The following HGD variants were observed in gnomAD, a reference collection of about 807,000 sequenced individuals.
The protein encoded by HGD is homogentisate 1,2-dioxygenase.
HGD carries 61 observed loss-of-function variants against 60.8 expected under a neutral mutation model. The ratio of observed to expected loss-of-function variants is 1.00; its 90% CI spans 0.82 to 1.24. The LOEUF (loss-of-function observed/expected upper bound fraction) is 1.24. Among genes scored for constraint, HGD ranks in the 50% most tolerant of loss-of-function variants. The pLI is 0.00. For synonymous variants in HGD, 212 were observed against 187.7 expected (o/e 1.13, Z -1.06); for missense variants, 542 against 547.1 (o/e 0.99, Z 0.09).
chr3:120,680,088 T>C (rs1181128428), intron 1 of HGD, among the ~76,000 whole-genome samples: 1 of 152,184 alleles, frequency 6.6e-6, no homozygotes, highest in Non-Finnish European at 1.5e-5. Flanking sequence ...TTAAGCAAGT[T>C]CTTCGTTTTA....
chr3:120,646,273 G>C lies in HGD; in HGVS notation c.643C>G (p.Pro215Ala). The change falls in exon 9 of 14, where the codon CCA becomes GCA. Residue 215 changes from proline (P) to alanine (A), a missense_variant. Pro to Ala is a conservative substitution (Grantham distance 27). Transcript: ENST00000283871. ...GCTTGTAATGAAGATTTACCAATTG[G>C]TCCAAGGTCAGGTAACTCAAAGTGG... The part of the protein sequence containing the change: ...GVHFELPDLG[P>A]IGANGLANPR... 6.3e-7 allele frequency: 1 copy of C among 1,598,896 alleles called. No individual in the cohort carries two copies. Among genetic ancestry groups the C allele is most frequent in the Non-Finnish European group, 8.6e-7 (1 of 1,166,170 alleles).
At chr3:120,675,060 C>G (rs1708099539) in intron 2 of HGD, 71 bp from the exon 3 acceptor site, 1 of 1,003,442 alleles carries the variant, frequency 1.0e-6, no homozygotes, top group Non-Finnish European at 1.6e-6. Flanking sequence ...CCAACCAACT[C>G]AGTAGGGGGA....
chr3:120,656,052 C>G (rs61799866), intron 4 of HGD, among the ~76,000 whole-genome samples: 13,713 of 152,234 alleles, frequency 0.09, 696 homozygotes, highest in East Asian at 0.19. Context: ...TAAAAGAGAT[C>G]ATAAATGTGG....
Position 120,638,546 on chromosome 3 carries a change from A to G in HGD, c.915T>C (p.Ser305=), listed in dbSNP as rs144158342. The G allele has an allele frequency of 7.4e-6, 12 of 1,614,082 alleles. No homozygotes were observed. In the East Asian group the frequency reaches 2.5e-4, roughly 33 times the overall value. The change falls in exon 12 of 14, where the codon TCT becomes TCC. Residue 305 remains serine (S), a synonymous_variant. Coordinates refer to ENST00000283871, the MANE Select transcript of HGD (RefSeq NM_000187.4). The part of the protein sequence containing the change: ...PSIFTVLTAK[S]VRPGVAIADF... The stretch of plus-strand genomic sequence containing the variant: ...CAGCAATGGCCACTCCAGGGCGGAC[A>G]GACTTAGCAGTCAATACTGTGAAAA...
intron 11 of HGD, among the ~76,000 whole-genome samples, chr3:120,638,784 G>C (rs476797): frequency 6.6e-6 from 1 of 152,154 alleles, no homozygotes; most frequent in South Asian, 2.1e-4. Context: ...GTTTGGGGTA[G>C]GGATCTGATA....
rs2551608 is a variant in HGD, at chr3:120,652,504, C to T, written c.342+88G>A. Reference sequence around the variant, plus strand: ...CTGCTGCCTCCTGATAGGGCTGCTTCTGCTTGGCATTCAGGCTGCAAATGG... The same window carrying T: ...CTGCTGCCTCCTGATAGGGCTGCTTTTGCTTGGCATTCAGGCTGCAAATGG... On this transcript the variant is annotated intron_variant, in intron 5 of 13. Transcript: ENST00000283871. 1.4e-5 allele frequency: 13 copies of T among 948,700 alleles called. No homozygotes were observed. In the African/African-American group the frequency reaches 1.9e-4, roughly 14 times the overall value. The allele number at this position is 948,700 out of a possible 1,614,324, so 58.8% of individuals were successfully genotyped here. A position where few individuals can be genotyped will look rare whatever the true frequency, so the allele number is the denominator to read the frequency against.
intron 3 of HGD, among the ~76,000 whole-genome samples, chr3:120,671,672 T>C (rs148221793): frequency 0.23 from 35,503 of 152,154 alleles, 4,616 homozygotes; most frequent in African/African-American, 0.34. Context: ...CAATCTGTTA[T>C]GAAGATACAT....
chr3:120,635,644 G>T (rs148525750), intron 12 of HGD, among the ~76,000 whole-genome samples: 4 of 152,042 alleles, frequency 2.6e-5, no homozygotes, highest in Non-Finnish European at 4.4e-5. Context: ...AATATCTCTG[G>T]AAAACTCATT....
chr3:120,654,056 C>CAAAAT (rs1941422204), intron 4 of HGD, among the ~76,000 whole-genome samples: 1 of 152,206 alleles, frequency 6.6e-6, no homozygotes, highest in Non-Finnish European at 1.5e-5. Flanking sequence ...CACAGCTAAG[C>CAAAAT]ACTGCTGGAT....
At chr3:120,676,452 A>AT (rs1311243649) in intron 1 of HGD, among the ~76,000 whole-genome samples, 2 of 152,108 alleles carry the variant, frequency 1.3e-5, no homozygotes, top group Non-Finnish European at 2.9e-5. Context: ...GGAAAAAAAA[A>AT]GTTAAAGGGT....
intron 6 of HGD, among the ~76,000 whole-genome samples, chr3:120,650,034 G>A (rs1422203162): frequency 6.6e-6 from 1 of 152,182 alleles, no homozygotes; most frequent in African/African-American, 2.4e-5. Context: ...GCCTCTACTT[G>A]CAAGTGTTTG....
chr3:120,674,878 C>G, intron 3 of HGD, 23 bp downstream of exon 3: 1 of 1,524,464 alleles, frequency 6.6e-7, no homozygotes. Flanking sequence ...GTCTGCAGGT[C>G]AGAATTCATC....
At chr3:120,671,597 A>T (rs2107550491) in intron 3 of HGD, among the ~76,000 whole-genome samples, 1 of 152,320 alleles carries the variant, frequency 6.6e-6, no homozygotes, top group East Asian at 1.9e-4. Flanking sequence ...TCAAAGACCT[A>T]CAATGAGAAA....
chr3:120,680,242 G>A (rs891075759), intron 1 of HGD, among the ~76,000 whole-genome samples: 1 of 152,064 alleles, frequency 6.6e-6, no homozygotes, highest in Admixed American at 6.5e-5. Flanking sequence ...TTCATTTACG[G>A]CTTTGTGTTG....
chr3:120,642,715 G>A (rs534063497), intron 10 of HGD, among the ~76,000 whole-genome samples: 1 of 152,340 alleles, frequency 6.6e-6, no homozygotes, highest in African/African-American at 2.4e-5. Flanking sequence ...AACAGGAACT[G>A]AGGTCATATG....
intron 6 of HGD, among the ~76,000 whole-genome samples, chr3:120,649,177 C>T (rs35319796): frequency 3.0e-5 from 4 of 132,722 alleles, no homozygotes; most frequent in East Asian, 2.3e-4. Flanking sequence ...GAGTCTCACA[C>T]GGTTGTCCGG....
At chr3:120,645,627 T>C (rs1941133411) in intron 9 of HGD, among the ~76,000 whole-genome samples, 1 of 152,094 alleles carries the variant, frequency 6.6e-6, no homozygotes, top group Non-Finnish European at 1.5e-5. Flanking sequence ...GAGTGATGTG[T>C]TTTTTTGACT....
rs548710144 is a variant in HGD at position 120,666,527 on chromosome 3, G to A, written c.282+3900C>T. Among the ~76,000 whole-genome samples the A allele has an allele frequency of 2.0e-5, 3 of 152,180 alleles. No individual in the cohort carries two copies. The South Asian group carries it at 6.2e-4, about 32-fold the overall frequency. On this transcript the variant is annotated intron_variant, in intron 4 of 13. Coordinates refer to ENST00000283871, the MANE Select transcript of HGD (RefSeq NM_000187.4). ...GATGGAGTTTTGCTCTTGTTGCCCA[G>A]GCTGTAGTCCAATGGTGCAATCTTG...
chr3:120,661,761 G>A (rs1707773389), intron 4 of HGD, among the ~76,000 whole-genome samples: 1 of 152,168 alleles, frequency 6.6e-6, no homozygotes, highest in Non-Finnish European at 1.5e-5. Context: ...GGCTGAGCAG[G>A]GGAATGTGCA....
Sources: gnomAD v4.1 joint callset for allele counts (sites outside exome capture counted in the v4.1 genomes callset) on GRCh38, gnomAD v4.1.1 for gene constraint, MANE v1.5 for transcripts, NCBI Gene and HGNC (gene_info 2026-07-23, HGNC 2026-07-21) for gene names.